Variants in DAG1 observed in about 807,000 individuals in gnomAD.
DAG1 encodes the protein dystroglycan 1, also known as dystroglycan 1 (dystrophin-associated glycoprotein 1).
In DAG1, 8 loss-of-function variants were observed where a neutral mutation model predicts 46.1. That is an observed-to-expected ratio of 0.17 (90% CI 0.10 to 0.31). The LOEUF (loss-of-function observed/expected upper bound fraction) is 0.31, where lower values mean the gene tolerates loss of function less well. Among genes scored for constraint, DAG1 ranks in the 10% least tolerant of loss-of-function variants. The pLI, the probability that DAG1 is intolerant of heterozygous loss-of-function variation, is 1.00. For missense variants in DAG1, 1,003 were observed against 1,189.9 expected, an observed-to-expected ratio of 0.84 and a Z score of 2.31; for synonymous variants, 495 against 481.8, an observed-to-expected ratio of 1.03 and a Z score of -0.36.
At chr3:49,525,747 A>G (rs1421904502) in intron 2 of DAG1, among the ~76,000 whole-genome samples, 2 of 150,208 alleles carry the variant, frequency 1.3e-5, no homozygotes, top group Non-Finnish European at 3.0e-5. Flanking sequence ...TTTAGTAGAG[A>G]CGGGGTTTCA....
At chr3:49,514,668 C>T (rs761739388) in intron 2 of DAG1, among the ~76,000 whole-genome samples, 1 of 150,146 alleles carries the variant, frequency 6.7e-6, no homozygotes, top group Non-Finnish European at 1.5e-5. Flanking sequence ...GATGGAGTTT[C>T]GCTCTTGTCG....
At chr3:49,478,802 CTTTTTTTTTT>C (rs201202889) in intron 1 of DAG1, among the ~76,000 whole-genome samples, 17 of 76,012 alleles carry the variant, frequency 2.2e-4, no homozygotes, top group Admixed American at 7.5e-4. Context: ...CGTCCCCTCC[CTTTTTTTTTT>C]TTTTTTTTTT....
chr3:49,471,045 T>G (rs1255695440), intron 1 of DAG1: 8 of 152,266 alleles, frequency 5.3e-5, no homozygotes, highest in African/African-American at 1.7e-4. Context: ...TGCCATAAAT[T>G]CTAAGTTAGT....
chr3:49,472,846 G>A (rs1380502650), intron 1 of DAG1, among the ~76,000 whole-genome samples: 2 of 151,954 alleles, frequency 1.3e-5, no homozygotes, highest in East Asian at 1.9e-4. Context: ...CAGGCAGGGC[G>A]TGGTGGCTCA....
chr3:49,531,671 C>T lies in DAG1; in HGVS notation c.1160C>T (p.Pro387Leu). The change falls in exon 3 of 3, where the codon CCT (proline) becomes CTT (leucine). Residue 387 changes from proline (P) to leucine (L), a missense_variant. By Grantham distance (98) the Pro-to-Leu change is moderately conservative. Around this residue, in one of 3 missense-constraint regions of DAG1, gnomAD observed 755 missense variants for 854.1 expected, o/e 0.88. Transcript: ENST00000308775. This position sits in a 1 kb window ranked among gnomAD's most constrained non-coding sequence, Gnocchi z 7.0. The part of the protein sequence containing the change: ...IQTPTLGPIQ[P>L]TRVSEAGTTV... Reference sequence around the variant, plus strand: ...ACCCCAACCCTAGGCCCCATCCAGCCTACTCGGGTGTCAGAAGCTGGCACC... The same window carrying T: ...ACCCCAACCCTAGGCCCCATCCAGCTTACTCGGGTGTCAGAAGCTGGCACC... 1 of 1,613,726 alleles carries T rather than the reference C, an allele frequency of 6.2e-7. No homozygotes were observed. The highest frequency in any genetic ancestry group is 2.2e-5 in the East Asian group (1 of 44,866).
intron 1 of DAG1, among the ~76,000 whole-genome samples, chr3:49,505,961 C>T (rs993372624): frequency 2.0e-5 from 3 of 150,310 alleles, no homozygotes; most frequent in Non-Finnish European, 4.4e-5. Flanking sequence ...TGAGCCACCA[C>T]GCCCGGCCTA....
chr3:49,473,097 C>T (rs1312377098), intron 1 of DAG1, among the ~76,000 whole-genome samples: 2 of 147,942 alleles, frequency 1.4e-5, no homozygotes, highest in African/African-American at 2.5e-5. Context: ...GAGCAAAACT[C>T]GGTCTCAAAA....
chr3:49,535,590 AAAT>A lies in DAG1; in HGVS notation c.*2394_*2396del, dbSNP rs2051489174. On this transcript the variant is annotated 3_prime_UTR_variant, in exon 3 of 3. Coordinates refer to ENST00000308775, the MANE Select transcript of DAG1 (RefSeq NM_004393.6). ...ATTCTGTAAAGAAACATATCAAACT[AAAT>A]AAAAGCAGTGTCTTTATTACAACGC... 1 of 152,644 alleles carries A rather than the reference AAAT, an allele frequency of 6.6e-6. No homozygotes were observed. The highest frequency in any genetic ancestry group is 2.1e-4 in the South Asian group (1 of 4,824). 9.5% of individuals were successfully genotyped at this position (152,644 alleles called of 1,614,324 possible). A position where few individuals can be genotyped will look rare whatever the true frequency, so the allele number is the denominator to read the frequency against.
Position 49,532,705 on chromosome 3 carries a change from C to T in DAG1, c.2194C>T (p.Pro732Ser), listed in dbSNP as rs1406481422. Reference sequence around the variant, plus strand: ...ACCCAGGAGAGTGCCCTCAGAGGCGCCGCCCACAGAAGTGCCTGACAGGGA... The same window carrying T: ...ACCCAGGAGAGTGCCCTCAGAGGCGTCGCCCACAGAAGTGCCTGACAGGGA... ...VPPRRVPSEA[P>S]PTEVPDRDPE... is the part of the protein sequence containing the mutation. The change falls in exon 3 of 3, where the codon CCG (proline) becomes TCG (serine). Residue 732 changes from proline (P) to serine (S), a missense_variant. By Grantham distance (74) the Pro-to-Ser change is moderately conservative. Coordinates refer to ENST00000308775, the MANE Select transcript of DAG1 (RefSeq NM_004393.6). This position sits in a 1 kb window ranked among gnomAD's most constrained non-coding sequence, Gnocchi z 5.4. 1 of 1,614,028 alleles carries T rather than the reference C, an allele frequency of 6.2e-7. No homozygotes were observed. Among genetic ancestry groups the T allele is most frequent in the African/African-American group, 1.3e-5 (1 of 74,930 alleles).
chr3:49,529,199 A>T (rs561639996), intron 2 of DAG1, among the ~76,000 whole-genome samples: 48 of 150,266 alleles, frequency 3.2e-4, no homozygotes, highest in South Asian at 6.4e-4. Context: ...GTTAAAAAAA[A>T]TTTTTTTTTT....
In DAG1 at chr3:49,510,526, G is replaced by T; in HGVS notation, c.-9G>T. 4 of 1,612,452 alleles carry T rather than the reference G, an allele frequency of 2.5e-6. No homozygotes were observed. The highest frequency in any genetic ancestry group is 3.4e-6 in the Non-Finnish European group (4 of 1,179,930). ...CAAGACTATCGACTTGAGCAAACTTGGACCTGGGATGAGGATGTCTGTGGG... is the reference window on the plus strand; with the variant it reads ...CAAGACTATCGACTTGAGCAAACTTTGACCTGGGATGAGGATGTCTGTGGG... On this transcript the variant is annotated 5_prime_UTR_variant, in exon 2 of 3. Coordinates refer to ENST00000308775, the MANE Select transcript of DAG1 (RefSeq NM_004393.6).
chr3:49,511,816 A>T (rs2050768079), intron 2 of DAG1, among the ~76,000 whole-genome samples: 1 of 152,210 alleles, frequency 6.6e-6, no homozygotes, highest in Non-Finnish European at 1.5e-5. Context: ...ACCAAGCTCC[A>T]GGCAGTAAAT....
rs1010687507 is a variant in DAG1 at position 49,535,537 on chromosome 3, C to G, written c.*2338C>G. On this transcript the variant is annotated 3_prime_UTR_variant, in exon 3 of 3. Coordinates refer to ENST00000308775, the MANE Select transcript of DAG1 (RefSeq NM_004393.6). ...ACCACTGATGTGTTTTTATTTCCTTCTATATGATTTTAAGATGTGTTTTCT... is the reference window on the plus strand; with the variant it reads ...ACCACTGATGTGTTTTTATTTCCTTGTATATGATTTTAAGATGTGTTTTCT... 3 of 152,674 alleles carry G rather than the reference C, an allele frequency of 2.0e-5. No individual in the cohort carries two copies. Among genetic ancestry groups the G allele is most frequent in the African/African-American group, 7.2e-5 (3 of 41,470 alleles). The allele number at this position is 152,674 out of a possible 1,614,324, so 9.5% of individuals were successfully genotyped here. A position where few individuals can be genotyped will look rare whatever the true frequency, so the allele number is the denominator to read the frequency against.
intron 2 of DAG1, among the ~76,000 whole-genome samples, chr3:49,522,301 G>C (rs1239014985): frequency 1.3e-5 from 2 of 151,520 alleles, no homozygotes; most frequent in African/African-American, 4.9e-5. Flanking sequence ...CAAACTGCTG[G>C]GATTACAGGC....
chr3:49,497,553 A>T (rs1187937469), intron 1 of DAG1, among the ~76,000 whole-genome samples: 73 of 152,022 alleles, frequency 4.8e-4, no homozygotes, highest in Non-Finnish European at 7.4e-5. Flanking sequence ...TTGAGGTTAC[A>T]GTGAGCTATT....
intron 2 of DAG1, among the ~76,000 whole-genome samples, chr3:49,520,764 G>A (rs1575398696): frequency 6.6e-6 from 1 of 152,148 alleles, no homozygotes; most frequent in East Asian, 1.9e-4. Flanking sequence ...TCAGTTTCTC[G>A]ATTATGTTAT....
rs1575332785 is a variant in DAG1, at chr3:49,474,681, C to G, written c.-117+4248C>G. On this transcript the variant is annotated intron_variant, in intron 1 of 2. Coordinates refer to ENST00000308775, the MANE Select transcript of DAG1 (RefSeq NM_004393.6). ...TATTTTTTGTAGAGGTGGGGTTTCT[C>G]CATGTTTCCCAGGCTGGTCTCGAAC... 2.0e-5 allele frequency among the ~76,000 whole-genome samples: 3 copies of G among 152,174 alleles called. No individual in the cohort carries two copies. The East Asian group carries it at 5.8e-4, about 29-fold the overall frequency.
intron 1 of DAG1, among the ~76,000 whole-genome samples, chr3:49,490,270 G>A (rs894954599): frequency 2.6e-5 from 4 of 151,796 alleles, no homozygotes; most frequent in Non-Finnish European, 5.9e-5. Context: ...GGAGAATGAT[G>A]TGGACCCGGG....
chr3:49,490,738 T>C (rs1434529724), intron 1 of DAG1, among the ~76,000 whole-genome samples: 1 of 151,840 alleles, frequency 6.6e-6, no homozygotes, highest in Admixed American at 6.6e-5. Flanking sequence ...CTGGCCTAAT[T>C]TTGTATTTTT....
Sources: gnomAD v4.1 joint callset for allele counts (sites outside exome capture counted in the v4.1 genomes callset) on GRCh38, gnomAD v4.1.1 for gene constraint, gnomAD v4.1.1 regional missense constraint, Gnocchi (gnomAD v3.1) non-coding constraint, MANE v1.5 for transcripts, NCBI Gene and HGNC (gene_info 2026-07-23, HGNC 2026-07-21) for gene names.